ADCY2: variants seen among roughly 807,000 people sequenced by gnomAD.
ADCY2 encodes adenylate cyclase type 2.
In ADCY2, 31 loss-of-function variants were observed where a neutral mutation model predicts 125.2. The ratio of observed to expected loss-of-function variants is 0.25; its 90% CI spans 0.19 to 0.33. ADCY2 has a LOEUF of 0.33. ADCY2 is among the 10% of genes least tolerant of loss of function. The pLI is 1.00. For missense variants in ADCY2, 904 were observed against 1,418.2 expected (o/e 0.64, Z 5.82); for synonymous variants, 512 against 548.4 (o/e 0.93, Z 0.93).
At chr5:7,431,358 C>T (rs1486089530) in intron 2 of ADCY2, among the ~76,000 whole-genome samples, 1 of 152,086 alleles carries the variant, frequency 6.6e-6, no homozygotes, top group Non-Finnish European at 1.5e-5. Flanking sequence ...AAAAACTAAA[C>T]TTCTACTCTT....
intron 2 of ADCY2, among the ~76,000 whole-genome samples, chr5:7,485,322 C>T (rs1309483558): frequency 6.6e-6 from 1 of 151,974 alleles, no homozygotes; most frequent in Non-Finnish European, 1.5e-5. Flanking sequence ...ACATTCTTGA[C>T]ATATAGAGAG....
intron 4 of ADCY2, among the ~76,000 whole-genome samples, chr5:7,689,096 G>A (rs1740623590): frequency 6.6e-6 from 1 of 152,168 alleles, no homozygotes; most frequent in Non-Finnish European, 1.5e-5. Context: ...GTTCTGAGAC[G>A]AGAGCGGGAT....
intron 1 of ADCY2, among the ~76,000 whole-genome samples, chr5:7,400,190 A>G (rs1319990613): frequency 6.6e-6 from 1 of 152,230 alleles, no homozygotes; most frequent in Non-Finnish European, 1.5e-5. Flanking sequence ...ATTTCAATAT[A>G]AATGAAAAAA....
At chr5:7,450,772 A>C (rs371289666) in intron 2 of ADCY2, among the ~76,000 whole-genome samples, 1 of 152,218 alleles carries the variant, frequency 6.6e-6, no homozygotes, top group Non-Finnish European at 1.5e-5. Context: ...GTTGAAGCCA[A>C]TTCTCATTTA....
intron 15 of ADCY2, among the ~76,000 whole-genome samples, chr5:7,752,416 C>T (rs554948462): frequency 3.3e-5 from 5 of 152,070 alleles, no homozygotes; most frequent in African/African-American, 9.6e-5. Context: ...AGATGGATTT[C>T]GTTTTTCTAA....
chr5:7,813,482 G>GAA (rs1365269209), intron 22 of ADCY2, among the ~76,000 whole-genome samples: 2 of 152,188 alleles, frequency 1.3e-5, no homozygotes, highest in Non-Finnish European at 2.9e-5. Context: ...ATGTTTCAGA[G>GAA]AACTGAGCGA....
chr5:7,547,444 G>A (rs1443535981), intron 3 of ADCY2, among the ~76,000 whole-genome samples: 4 of 152,168 alleles, frequency 2.6e-5, no homozygotes, highest in Admixed American at 2.6e-4. Context: ...CATAGGTATG[G>A]GTCTCGCATC....
chr5:7,779,684 G>T (rs563608595), intron 18 of ADCY2, among the ~76,000 whole-genome samples: 1 of 152,234 alleles, frequency 6.6e-6, no homozygotes, highest in East Asian at 1.9e-4. Flanking sequence ...TGCAGCACTG[G>T]CATGTCTGGC....
At chr5:7,423,265 G>C (rs779728621) in intron 2 of ADCY2, among the ~76,000 whole-genome samples, 5 of 152,168 alleles carry the variant, frequency 3.3e-5, no homozygotes, top group Non-Finnish European at 5.9e-5. Context: ...TGGCTCTTTG[G>C]AGCAGAGGAG....
intron 17 of ADCY2, among the ~76,000 whole-genome samples, 189 bp from the exon 18 acceptor site, chr5:7,772,742 AT>A (rs11390037): frequency 0.048 from 7,119 of 149,706 alleles, 388 homozygotes; most frequent in African/African-American, 0.14. Flanking sequence ...GCTTTGGATG[AT>A]TTTTTTTTTT....
At chr5:7,559,237 T>G (rs1009379023) in intron 3 of ADCY2, among the ~76,000 whole-genome samples, 16 of 152,204 alleles carry the variant, frequency 1.1e-4, no homozygotes, top group African/African-American at 3.9e-4. Flanking sequence ...TTAACTGGAA[T>G]AGCAATGAAT....
rs986630355 is a variant in ADCY2 at position 7,802,368 on chromosome 5, G to A, written c.2775+4G>A. The A allele has an allele frequency of 2.5e-6, 4 of 1,613,754 alleles. No individual in the cohort carries two copies. The highest frequency in any genetic ancestry group is 3.4e-6 in the Non-Finnish European group (4 of 1,179,782). ...GATCATCGCTGACTTTGATGATGTA[G>A]GTACTGAGAGTTGCCCTCGAAGGGC... On this transcript the variant is annotated splice_donor_region_variant and intron_variant, in intron 21 of 24. Coordinates refer to ENST00000338316, the MANE Select transcript of ADCY2 (RefSeq NM_020546.3). The surrounding 1 kb of genome is among the most constrained non-coding windows in gnomAD (Gnocchi z 4.6).
chr5:7,627,832 A>G (rs1332708306), intron 4 of ADCY2, among the ~76,000 whole-genome samples: 4 of 152,212 alleles, frequency 2.6e-5, no homozygotes, highest in African/African-American at 9.7e-5. Flanking sequence ...TGTGGCAGGC[A>G]TGGCTCTAGG....
intron 3 of ADCY2, among the ~76,000 whole-genome samples, chr5:7,559,043 T>C (rs1735626537): frequency 6.6e-6 from 1 of 152,188 alleles, no homozygotes; most frequent in African/African-American, 2.4e-5. Flanking sequence ...TGTGTCTGTT[T>C]TTGTACCAGT....
chr5:7,508,862 A>C (rs976302898), intron 2 of ADCY2, among the ~76,000 whole-genome samples: 1 of 152,222 alleles, frequency 6.6e-6, no homozygotes, highest in Non-Finnish European at 1.5e-5. Flanking sequence ...TCACAATCTG[A>C]ATAGGTACTG....
chr5:7,727,482 T>C (rs1741967561), intron 14 of ADCY2, among the ~76,000 whole-genome samples: 1 of 152,166 alleles, frequency 6.6e-6, no homozygotes, highest in African/African-American at 2.4e-5. Flanking sequence ...GATTCAAACT[T>C]CTAGGGATTG....
chr5:7,692,197 T>C (rs1334303652), intron 5 of ADCY2: 1 of 152,240 alleles, frequency 6.6e-6, no homozygotes, highest in African/African-American at 2.4e-5. Flanking sequence ...TTAGAGTTTT[T>C]AGAAGAGCCA....
intron 4 of ADCY2, among the ~76,000 whole-genome samples, chr5:7,679,186 G>C (rs975940015): frequency 6.6e-6 from 1 of 152,280 alleles, no homozygotes; most frequent in Middle Eastern, 3.4e-3. Flanking sequence ...GGAGGTGGTT[G>C]AAAGTTTGTC....
chr5:7,493,483 A>G lies in ADCY2; in HGVS notation c.409-27255A>G, dbSNP rs566480573. ...GTTTTTAAACTGTAAGGATCTGAAA[A>G]TGGACACCAACATGGATGGACAAGG... On this transcript the variant is annotated intron_variant, in intron 2 of 24. Transcript: ENST00000338316. Among the ~76,000 whole-genome samples, 7 of 152,264 alleles carry G rather than the reference A, an allele frequency of 4.6e-5. 1 individual carries two copies. The East Asian group carries it at 1.4e-3, about 29-fold the overall frequency.
Sources: allele counts gnomAD v4.1 joint callset (sites outside exome capture counted in the v4.1 genomes callset), GRCh38; gene constraint gnomAD v4.1.1; non-coding constraint Gnocchi (gnomAD v3.1); transcripts MANE v1.5; gene names NCBI Gene and HGNC (gene_info 2026-07-23, HGNC 2026-07-21).